The following FEZ1 variants were observed in gnomAD, a reference collection of about 807,000 sequenced individuals.
FEZ1 encodes the protein fasciculation and elongation protein zeta 1.
In FEZ1, 20 loss-of-function variants were observed where a neutral mutation model predicts 49.3. The ratio of observed to expected loss-of-function variants is 0.41; its 90% CI spans 0.29 to 0.59. The LOEUF (loss-of-function observed/expected upper bound fraction) is 0.59, where lower values mean the gene tolerates loss of function less well. FEZ1 is among the 20% of genes least tolerant of loss of function. The pLI, the probability that FEZ1 is intolerant of heterozygous loss-of-function variation, is 0.36. For missense variants in FEZ1, 413 were observed against 476.0 expected (o/e 0.87, Z 1.23); for synonymous variants, 170 against 180.9 (o/e 0.94, Z 0.48).
In FEZ1 at chr11:125,443,219, C is replaced by A. The variant is rs1956870946; in HGVS notation, c.*2876G>T. ...CGGAGTGCGGACATCCTAGACAGGA[C>A]TTGAGTTTTGCAATCAGGATTGACT... is the stretch of plus-strand genomic sequence containing the variant. On this transcript the variant is annotated 3_prime_UTR_variant, in exon 10 of 10. Transcript: ENST00000278919. 6.6e-6 allele frequency among the ~76,000 whole-genome samples: 1 copy of A among 152,168 alleles called. No individual in the cohort carries two copies. Among genetic ancestry groups the A allele is most frequent in the Non-Finnish European group, 1.5e-5 (1 of 68,046 alleles).
At position 125,495,265 on chromosome 11, in the gene FEZ1, A is replaced by G; in HGVS notation, c.-46+856T>C. ...GCCGGACTCATCCCGTGCAGGCCGCATACACACTCCACTGCCCTTCCGGCC... is the reference window on the plus strand; with the variant it reads ...GCCGGACTCATCCCGTGCAGGCCGCGTACACACTCCACTGCCCTTCCGGCC... On this transcript the variant is annotated intron_variant, in intron 1 of 9. Transcript: ENST00000278919. The surrounding 1 kb of genome is among the most constrained non-coding windows in gnomAD (Gnocchi z 4.2). 2 of 420,178 alleles carry G rather than the reference A, an allele frequency of 4.8e-6. No homozygotes were observed. Among genetic ancestry groups the G allele is most frequent in the South Asian group, 1.8e-5 (1 of 56,092 alleles). The allele number at this position is 420,178 out of a possible 1,614,324, so 26.0% of individuals were successfully genotyped here.
At chr11:125,476,908 A>T (rs777166249) in intron 3 of FEZ1, among the ~76,000 whole-genome samples, 26 of 152,180 alleles carry the variant, frequency 1.7e-4, no homozygotes, top group Non-Finnish European at 3.5e-4. Context: ...AAAGATTTTT[A>T]AAATATGGTA....
intron 1 of FEZ1, among the ~76,000 whole-genome samples, chr11:125,493,193 G>A (rs1000072017): frequency 1.3e-4 from 19 of 150,262 alleles, no homozygotes; most frequent in African/African-American, 4.7e-4. Flanking sequence ...AATTAGCTGA[G>A]CATGGTGGCA....
chr11:125,477,356 T>A (rs905353948), intron 3 of FEZ1, among the ~76,000 whole-genome samples: 256 of 130,308 alleles, frequency 2.0e-3, no homozygotes, highest in Non-Finnish European at 3.7e-3. Context: ...AAAAAAAAAA[T>A]TAGCTGAGCG....
chr11:125,453,993 G>C (rs1438542252), intron 7 of FEZ1, 137 bp downstream of exon 7: 3 of 483,572 alleles, frequency 6.2e-6, no homozygotes, highest in Non-Finnish European at 1.1e-5. Flanking sequence ...CTTAAGAGGA[G>C]AAAAAAGTGT....
At chr11:125,491,059 C>T (rs544539062) in intron 1 of FEZ1, among the ~76,000 whole-genome samples, 16 of 152,112 alleles carry the variant, frequency 1.1e-4, no homozygotes, top group Non-Finnish European at 2.4e-4. Context: ...CAGACAAGCA[C>T]CCAAGGTTTT....
intron 1 of FEZ1, among the ~76,000 whole-genome samples, chr11:125,494,052 A>G (rs1463482689): frequency 6.6e-6 from 1 of 152,274 alleles, no homozygotes; most frequent in Non-Finnish European, 1.5e-5. Context: ...GGGTTCAGAC[A>G]CATGCTCATT....
intron 3 of FEZ1, among the ~76,000 whole-genome samples, chr11:125,477,051 G>A (rs556418409): frequency 6.6e-6 from 1 of 151,998 alleles, no homozygotes; most frequent in Non-Finnish European, 1.5e-5. Context: ...GTACTAACTG[G>A]GATGTTTTCA....
intron 1 of FEZ1, among the ~76,000 whole-genome samples, chr11:125,491,251 GA>G (rs1957379026): frequency 6.6e-6 from 1 of 152,094 alleles, no homozygotes; most frequent in Non-Finnish European, 1.5e-5. Flanking sequence ...CCAACTGTGG[GA>G]CCTCTACCCC....
Position 125,465,101 on chromosome 11 carries a change from T to C in FEZ1, c.412-1531A>G, listed in dbSNP as rs78545134. On this transcript the variant is annotated intron_variant, in intron 3 of 9. Coordinates refer to ENST00000278919, the MANE Select transcript of FEZ1 (RefSeq NM_005103.5). ...AGAAAAAGGAAGAAATGTATCAATA[T>C]GAACCCAGCCCAAGTTAGTGTGAGC... Among the ~76,000 whole-genome samples, 459 of 152,330 alleles carry C rather than the reference T, an allele frequency of 3.0e-3. No homozygotes were observed. In the East Asian group the frequency reaches 0.033, roughly 11 times the overall value.
At chr11:125,466,900 A>C (rs561573162) in intron 3 of FEZ1, among the ~76,000 whole-genome samples, 1 of 152,230 alleles carries the variant, frequency 6.6e-6, no homozygotes, top group East Asian at 1.9e-4. Context: ...CCCTTTGCAT[A>C]ATATTTTCCT....
At chr11:125,463,005 GA>G (rs112179481) in intron 4 of FEZ1, among the ~76,000 whole-genome samples, 105 of 106,084 alleles carry the variant, frequency 9.9e-4, no homozygotes, top group East Asian at 1.1e-3. Context: ...GTCTCAAAAT[GA>G]AAAAAAAAAA....
rs1006769699 is a variant in FEZ1, at chr11:125,445,669, G to A, written c.*426C>T. On this transcript the variant is annotated 3_prime_UTR_variant, in exon 10 of 10. Coordinates refer to ENST00000278919, the MANE Select transcript of FEZ1 (RefSeq NM_005103.5). This position sits in a 1 kb window ranked among gnomAD's most constrained non-coding sequence, Gnocchi z 4.4. ...TGGCTGCCACAGGCCACAGGCCGGC[G>A]TGCAAAGAATGCTATACAGCCCGTC... 2.9e-5 allele frequency: 9 copies of A among 307,502 alleles called. No individual in the cohort carries two copies. Among genetic ancestry groups the A allele is most frequent in the Non-Finnish European group, 4.5e-5 (7 of 157,088 alleles). The allele number at this position is 307,502 out of a possible 1,614,324, so 19.0% of individuals were successfully genotyped here.
chr11:125,460,454 G>A (rs1477123323), intron 5 of FEZ1, 44 bp downstream of exon 5: 1 of 1,577,914 alleles, frequency 6.3e-7, no homozygotes, highest in Admixed American at 1.7e-5. Flanking sequence ...CTGGCCCCGA[G>A]CAGGTGCTTC....
chr11:125,480,425 T>C (rs1277567746), intron 3 of FEZ1, among the ~76,000 whole-genome samples: 1 of 152,152 alleles, frequency 6.6e-6, no homozygotes, highest in East Asian at 1.9e-4. Context: ...TGTGGCTACA[T>C]TGCTAATATC....
At chr11:125,487,288 G>A (rs1957333614) in intron 2 of FEZ1, among the ~76,000 whole-genome samples, 1 of 152,186 alleles carries the variant, frequency 6.6e-6, no homozygotes. Context: ...CCTGGGTGAG[G>A]TAAGAAATTA....
chr11:125,465,084 GAAGAAATGTATC>G lies in FEZ1; in HGVS notation c.412-1526_412-1515del, dbSNP rs1957114881. 2.0e-5 allele frequency among the ~76,000 whole-genome samples: 3 copies of G among 152,294 alleles called. No homozygotes were observed. The South Asian group carries it at 6.2e-4, about 32-fold the overall frequency. Reference sequence around the variant, plus strand: ...CAGACAAAAATTAGGGGAGAAAAAGGAAGAAATGTATCAATATGAACCCAGCCCAAGTTAGTG... The same window carrying G: ...CAGACAAAAATTAGGGGAGAAAAAGGAATATGAACCCAGCCCAAGTTAGTG... On this transcript the variant is annotated intron_variant, in intron 3 of 9. Coordinates refer to ENST00000278919, the MANE Select transcript of FEZ1 (RefSeq NM_005103.5).
chr11:125,461,691 T>C (rs1957076739), intron 4 of FEZ1, among the ~76,000 whole-genome samples: 1 of 152,230 alleles, frequency 6.6e-6, no homozygotes, highest in African/African-American at 2.4e-5. Flanking sequence ...AGCAGGTCTT[T>C]AGATGAGTTT....
In FEZ1 at chr11:125,444,168, A is replaced by T. The variant is rs1485578193; in HGVS notation, c.*1927T>A. Among the ~76,000 whole-genome samples, 1 of 152,130 alleles carries T rather than the reference A, an allele frequency of 6.6e-6. No individual in the cohort carries two copies. Among genetic ancestry groups the T allele is most frequent in the African/African-American group, 2.4e-5 (1 of 41,424 alleles). ...ATGCTCCTGTGGCAGCCGGGGCTCT[A>T]TCTATGGAGAAGCTCTGCTCTGGGC... On this transcript the variant is annotated 3_prime_UTR_variant, in exon 10 of 10. Coordinates refer to ENST00000278919, the MANE Select transcript of FEZ1 (RefSeq NM_005103.5).
Sources: gnomAD v4.1 joint callset for allele counts (sites outside exome capture counted in the v4.1 genomes callset) on GRCh38, gnomAD v4.1.1 for gene constraint, Gnocchi (gnomAD v3.1) non-coding constraint, MANE v1.5 for transcripts, NCBI Gene and HGNC (gene_info 2026-07-23, HGNC 2026-07-21) for gene names.